The following ITPRID1 variants were observed in gnomAD, a reference collection of about 807,000 sequenced individuals.
ITPRID1 encodes protein ITPRID1.
In ITPRID1, 96 loss-of-function variants were observed where a neutral mutation model predicts 95.4. The observed-to-expected ratio is 1.01, with a 90% CI of 0.85 to 1.19. ITPRID1 has a LOEUF of 1.19. ITPRID1 is among the 50% of genes most tolerant of loss of function. ITPRID1 has a pLI of 0.00. For synonymous variants in ITPRID1, 510 were observed against 453.6 expected (o/e 1.12, Z -1.58); for missense variants, 1,339 against 1,252.9 (o/e 1.07, Z -1.04).
downstream of ITPRID1, among the ~76,000 whole-genome samples, chr7:31,656,855 G>T (rs1413873513): frequency 1.3e-5 from 2 of 149,742 alleles, no homozygotes; most frequent in East Asian, 4.0e-4. Context: ...CCAAAAAAGA[G>T]CATAGAAGGG....
intron 10 of ITPRID1, among the ~76,000 whole-genome samples, chr7:31,635,593 A>T (rs943980812): frequency 6.6e-6 from 1 of 152,200 alleles, no homozygotes; most frequent in Admixed American, 6.5e-5. Context: ...TTTTGGAGGA[A>T]ATTACTCTTT....
At chr7:31,535,359 T>C (rs1783725536) in intron 1 of ITPRID1, among the ~76,000 whole-genome samples, 1 of 152,068 alleles carries the variant, frequency 6.6e-6, no homozygotes, top group African/African-American at 2.4e-5. Flanking sequence ...CTTGCAAATA[T>C]TAACCAATCC....
chr7:31,517,107 G>C (rs930339250), intron 1 of ITPRID1, among the ~76,000 whole-genome samples: 9 of 152,304 alleles, frequency 5.9e-5, no homozygotes, highest in East Asian at 3.9e-4. Flanking sequence ...CATTCCCAGA[G>C]AACAAAGCAA....
intron 10 of ITPRID1, among the ~76,000 whole-genome samples, chr7:31,628,448 CTT>C (rs113407332): frequency 7.0e-6 from 1 of 143,564 alleles, no homozygotes; most frequent in African/African-American, 2.6e-5. Flanking sequence ...AGCGTGATTC[CTT>C]TTTTTTTTTT....
At chr7:31,533,078 T>C (rs970734679) in intron 1 of ITPRID1, among the ~76,000 whole-genome samples, 5 of 152,144 alleles carry the variant, frequency 3.3e-5, no homozygotes, top group African/African-American at 1.2e-4. Flanking sequence ...TTGTGTCACA[T>C]TGGTGTTATT....
chr7:31,643,992 A>G lies in ITPRID1; in HGVS notation c.2583+39A>G, dbSNP rs182472515. The G allele has an allele frequency of 2.5e-5, 39 of 1,534,694 alleles. No homozygotes were observed. The African/African-American group carries it at 4.7e-4, about 18-fold the overall frequency. ...CTGGCAAAGATGGAAAGGCAGATGC[A>G]CCCGTGATAAACACCTCAGGGATAA... On this transcript the variant is annotated intron_variant, in intron 12 of 14. Transcript: ENST00000615280.
intron 10 of ITPRID1, among the ~76,000 whole-genome samples, chr7:31,602,364 G>T (rs1314151404): frequency 6.6e-6 from 1 of 152,088 alleles, no homozygotes; most frequent in East Asian, 1.9e-4. Context: ...GTTTAGTGTT[G>T]CTTTTGGCAT....
intron 10 of ITPRID1, among the ~76,000 whole-genome samples, chr7:31,639,399 T>C (rs956707294): frequency 8.0e-5 from 4 of 50,130 alleles, no homozygotes; most frequent in African/African-American, 4.8e-4. Flanking sequence ...TAAATTTTAC[T>C]GGAGACGTTG....
chr7:31,585,413 T>A (rs1331981175), intron 10 of ITPRID1, among the ~76,000 whole-genome samples: 1 of 151,526 alleles, frequency 6.6e-6, no homozygotes, highest in Admixed American at 6.6e-5. Flanking sequence ...AAATATACTA[T>A]CCTCCCTGAG....
chr7:31,643,432 C>A lies in ITPRID1; in HGVS notation c.2062C>A (p.Leu688Ile), dbSNP rs763405857. The change falls in exon 12 of 15, where the codon CTA (leucine) becomes ATA (isoleucine). Residue 688 changes from leucine to isoleucine, a missense_variant. Physicochemically the swap from Leu to Ile is conservative, Grantham distance 5 (BLOSUM62 2). Transcript: ENST00000615280. ...KSRSGTLGQILPGTEAEMENL... is the reference protein window; with the variant it reads ...KSRSGTLGQIIPGTEAEMENL... ...AAGGTCTGGTACTTTGGGTCAGATA[C>A]TACCTGGGACAGAAGCTGAGATGGA... The A allele has an allele frequency of 9.3e-6, 15 of 1,613,900 alleles. No individual in the cohort carries two copies. Among genetic ancestry groups the A allele is most frequent in the Non-Finnish European group, 1.3e-5 (15 of 1,179,908 alleles).
chr7:31,585,832 ATCT>A (rs1434178329), intron 10 of ITPRID1, among the ~76,000 whole-genome samples: 5 of 152,040 alleles, frequency 3.3e-5, no homozygotes, highest in African/African-American at 9.7e-5. Context: ...AGCATGACAA[ATCT>A]TTTTTTTTTA....
In ITPRID1 at chr7:31,605,289, T is replaced by C. The variant is rs1583563321; in HGVS notation, c.1228+22098T>C. Among the ~76,000 whole-genome samples, 3 of 152,302 alleles carry C rather than the reference T, an allele frequency of 2.0e-5. No individual in the cohort carries two copies. In the East Asian group the frequency reaches 5.8e-4, roughly 29 times the overall value. On this transcript the variant is annotated intron_variant, in intron 10 of 14. Transcript: ENST00000615280. Reference sequence around the variant, plus strand: ...AAGCTGATGTATTTCAGGTGCTCTTTGTCTTACTTTTATTCCCTATTCTTT... The same window carrying C: ...AAGCTGATGTATTTCAGGTGCTCTTCGTCTTACTTTTATTCCCTATTCTTT...
At chr7:31,644,594 TGAGCCTATTTAAAGGTG>T (rs1790306990) in intron 12 of ITPRID1, among the ~76,000 whole-genome samples, 1 of 152,226 alleles carries the variant, frequency 6.6e-6, no homozygotes, top group Admixed American at 6.5e-5. Context: ...CTACCTTTGC[TGAGCCTATTTAAAGGTG>T]GACCCTATAG....
chr7:31,619,006 T>G (rs1477364811), intron 10 of ITPRID1, among the ~76,000 whole-genome samples: 1 of 152,174 alleles, frequency 6.6e-6, no homozygotes, highest in Non-Finnish European at 1.5e-5. Flanking sequence ...CCCCTTACAT[T>G]GTGTCTGAGA....
At chr7:31,563,360 G>A (rs1352566883) in intron 5 of ITPRID1, among the ~76,000 whole-genome samples, 1 of 152,088 alleles carries the variant, frequency 6.6e-6, no homozygotes. Flanking sequence ...ATAGGATGAG[G>A]TCATATTATA....
Position 31,536,254 on chromosome 7 carries a change from T to C in ITPRID1, c.-97-13172T>C, listed in dbSNP as rs143837109. ...TCCTCTGCTGTGTCCAGTCTGCTGC[T>C]ATACTCATCACAATAATTCTTCATT... On this transcript the variant is annotated intron_variant, in intron 1 of 14. Transcript: ENST00000615280. 1.6e-3 allele frequency among the ~76,000 whole-genome samples: 241 copies of C among 152,312 alleles called. 2 individuals carry two copies. The highest frequency in any genetic ancestry group is 7.9e-3 in the South Asian group (38 of 4,826).
intron 11 of ITPRID1, 63 bp from the exon 12 acceptor site, chr7:31,642,619 C>T: frequency 1.4e-6 from 2 of 1,457,566 alleles, no homozygotes; most frequent in African/African-American, 1.4e-5. Flanking sequence ...GAAAATCTCA[C>T]CTTAAACCTA....
intron 13 of ITPRID1, 31 bp downstream of exon 13, chr7:31,651,300 T>A: frequency 6.2e-7 from 1 of 1,606,650 alleles, no homozygotes; most frequent in Middle Eastern, 1.7e-4. Context: ...TAAAAGTAAG[T>A]ACCAGCCCAC....
At chr7:31,606,875 A>G (rs1286680370) in intron 10 of ITPRID1, among the ~76,000 whole-genome samples, 6 of 152,108 alleles carry the variant, frequency 3.9e-5, no homozygotes, top group Non-Finnish European at 7.4e-5. Flanking sequence ...TTTTTTCAAG[A>G]GGTAAATTTT....
Sources: gnomAD v4.1 joint callset for allele counts (sites outside exome capture counted in the v4.1 genomes callset) on GRCh38, gnomAD v4.1.1 for gene constraint, MANE v1.5 for transcripts, NCBI Gene and HGNC (gene_info 2026-07-23, HGNC 2026-07-21) for gene names.